The following S100B variants were observed in gnomAD, a reference collection of about 807,000 sequenced individuals.
S100B encodes S100 calcium binding protein B.
S100B carries 6 observed loss-of-function variants against 7.7 expected under a neutral mutation model. The observed-to-expected ratio is 0.78, with a 90% confidence interval of 0.43 to 1.54. S100B has a LOEUF of 1.54. S100B is among the 40% of genes most tolerant of loss of function. S100B has a pLI of 0.01. For synonymous variants in S100B, 36 were observed against 40.4 expected (o/e 0.89, Z 0.41); for missense variants, 99 against 111.8 (o/e 0.89, Z 0.52).
chr21:46,601,911 C>G (rs1459040089), intron 2 of S100B, among the ~76,000 whole-genome samples: 1 of 152,268 alleles, frequency 6.6e-6, no homozygotes, highest in Non-Finnish European at 1.5e-5. Flanking sequence ...TACTAAACTT[C>G]TAGCTAAAGC....
chr21:46,598,994 G>C lies in S100B; in HGVS notation c.*369C>G, dbSNP rs1356694037. On this transcript the variant is annotated 3_prime_UTR_variant, in exon 3 of 3. Transcript: ENST00000291700. ...TAAGGCTTTGTTTTTTAAAGGTAGT[G>C]GAAGTTTTAAGGGTGCCCCGGGGTA... 4.7e-6 allele frequency: 1 copy of C among 214,470 alleles called. No individual in the cohort carries two copies. The highest frequency in any genetic ancestry group is 2.3e-5 in the African/African-American group (1 of 43,040). 13.3% of individuals were successfully genotyped at this position (214,470 alleles called of 1,614,324 possible).
intron 2 of S100B, 137 bp from the exon 3 acceptor site, chr21:46,599,640 A>C: frequency 1.2e-6 from 1 of 822,132 alleles, no homozygotes; most frequent in Non-Finnish European, 2.1e-6. Context: ...ATATCAGAAA[A>C]GATGTCTCAT....
In S100B at chr21:46,602,028, C is replaced by T. The variant is rs146339780; in HGVS notation, c.138+250G>A. Among the ~76,000 whole-genome samples, 925 of 152,226 alleles carry T rather than the reference C, an allele frequency of 6.1e-3. 7 individuals carry two copies. The highest frequency in any genetic ancestry group is 0.024 in the Middle Eastern group (7 of 294). Reference sequence around the variant, plus strand: ...GTAATGAGTCTAGCATTATTTGGGACGCTTTGGCCTTTGGGACCTTGATGC... The same window carrying T: ...GTAATGAGTCTAGCATTATTTGGGATGCTTTGGCCTTTGGGACCTTGATGC... On this transcript the variant is annotated intron_variant, in intron 2 of 2. Transcript: ENST00000291700.
At chr21:46,603,447 CT>C (rs1288802329) in intron 1 of S100B, among the ~76,000 whole-genome samples, 1 of 144,036 alleles carries the variant, frequency 6.9e-6, no homozygotes, top group East Asian at 2.1e-4. Flanking sequence ...AAGAGCCCCC[CT>C]ACCTCCCTCA....
chr21:46,602,648 T>G (rs1036259541), intron 1 of S100B: 4 of 453,920 alleles, frequency 8.8e-6, no homozygotes, highest in Non-Finnish European at 1.6e-5. Context: ...TCTGTCCGTG[T>G]GGGCCACGGG....
Position 46,599,296 on chromosome 21 carries a change from A to G in S100B, c.*67T>C. 6.9e-7 allele frequency: 1 copy of G among 1,453,710 alleles called. No homozygotes were observed. Among genetic ancestry groups the G allele is most frequent in the Non-Finnish European group, 9.5e-7 (1 of 1,049,118 alleles). 90.1% of individuals were successfully genotyped at this position (1,453,710 alleles called of 1,614,324 possible). ...AAAGCTCAGCTCCTACTAGGCTGCA[A>G]GCCCTTGCTGTCTGCTTTCTTGCAT... On this transcript the variant is annotated 3_prime_UTR_variant, in exon 3 of 3. Coordinates refer to ENST00000291700, the MANE Select transcript of S100B (RefSeq NM_006272.3).
rs2061034991 is a variant in S100B, at chr21:46,599,331, T to C, written c.*32A>G. On this transcript the variant is annotated 3_prime_UTR_variant, in exon 3 of 3. Coordinates refer to ENST00000291700, the MANE Select transcript of S100B (RefSeq NM_006272.3). ...GTCTGCTTTCTTGCATGACCGTCTCTGTTACAGGAAAGGTTTGGCTGCTTT... is the reference window on the plus strand; with the variant it reads ...GTCTGCTTTCTTGCATGACCGTCTCCGTTACAGGAAAGGTTTGGCTGCTTT... 3.1e-6 allele frequency: 5 copies of C among 1,607,176 alleles called. No individual in the cohort carries two copies. The highest frequency in any genetic ancestry group is 4.3e-6 in the Non-Finnish European group (5 of 1,176,010).
chr21:46,603,398 T>TGGGGGGAGGGGGGGGCGGG, intron 1 of S100B, among the ~76,000 whole-genome samples: 1 of 52,070 alleles, frequency 1.9e-5, no homozygotes, highest in African/African-American at 7.1e-5. Flanking sequence ...CGGGAGGGGG[T>TGGGGGGAGGGGGGGGCGGG]GGGGGCAGGA....
intron 2 of S100B, among the ~76,000 whole-genome samples, chr21:46,601,494 G>A (rs1052236964): frequency 6.6e-6 from 1 of 152,202 alleles, no homozygotes; most frequent in Non-Finnish European, 1.5e-5. Context: ...GTAAAGACAG[G>A]TGGGTCTGAT....
intron 1 of S100B, chr21:46,603,017 A>C (rs2061045950): frequency 6.6e-6 from 1 of 152,174 alleles, no homozygotes; most frequent in Non-Finnish European, 1.5e-5. Context: ...TAGGAAGAAA[A>C]ACGTAGGTCC....
At chr21:46,602,528 A>C (rs1303092979) in intron 1 of S100B, 112 bp from the exon 2 acceptor site, 1 of 1,117,716 alleles carries the variant, frequency 8.9e-7, no homozygotes, top group Non-Finnish European at 1.3e-6. Context: ...TGGCCTTGGC[A>C]CTCTTTTCAA....
rs1293082914 is a variant in S100B at position 46,598,655 on chromosome 21, C to T, written c.*708G>A. Among the ~76,000 whole-genome samples the T allele has an allele frequency of 1.3e-5, 2 of 152,222 alleles. No individual in the cohort carries two copies. The highest frequency in any genetic ancestry group is 1.9e-4 in the East Asian group (1 of 5,182). On this transcript the variant is annotated 3_prime_UTR_variant, in exon 3 of 3. Coordinates refer to ENST00000291700, the MANE Select transcript of S100B (RefSeq NM_006272.3). The stretch of plus-strand genomic sequence containing the variant: ...CGCAGGCCCTCGCGGTGGCTCAGAG[C>T]CCCCGGTAGTGCCCTCGGAAGCCGC...
At chr21:46,599,586 C>G (rs2061036014) in intron 2 of S100B, 83 bp from the exon 3 acceptor site, 2 of 1,236,408 alleles carry the variant, frequency 1.6e-6, no homozygotes, top group Non-Finnish European at 2.4e-6. Context: ...TTGAGTGACT[C>G]TGATAATTTG....
chr21:46,604,818 T>G (rs1347981118), intron 1 of S100B, among the ~76,000 whole-genome samples, 195 bp downstream of exon 1: 4 of 152,214 alleles, frequency 2.6e-5, no homozygotes, highest in Non-Finnish European at 5.9e-5. Context: ...CTAGGGCTGA[T>G]GCAGTCAGGT....
intron 1 of S100B, among the ~76,000 whole-genome samples, chr21:46,603,398 T>TGGGGGGAGGGGGGGCGGGGGGGGGGGC: frequency 1.9e-5 from 1 of 52,070 alleles, no homozygotes; most frequent in Non-Finnish European, 3.8e-5. Context: ...CGGGAGGGGG[T>TGGGGGGAGGGGGGGCGGGGGGGGGGGC]GGGGGCAGGA....
In S100B at chr21:46,599,780, GAA is replaced by G. The variant is rs3061065; in HGVS notation, c.139-279_139-278del. ...GGTTGTTATCATACTTAAAATACCT[GAA>G]AAAAAAAAATACCATCTAGATCAGC... On this transcript the variant is annotated intron_variant, in intron 2 of 2. Coordinates refer to ENST00000291700, the MANE Select transcript of S100B (RefSeq NM_006272.3). Among the ~76,000 whole-genome samples the G allele has an allele frequency of 5.4e-5, 8 of 149,064 alleles. No individual in the cohort carries two copies. The East Asian group carries it at 5.9e-4, about 11-fold the overall frequency.
intron 2 of S100B, among the ~76,000 whole-genome samples, chr21:46,601,570 C>T (rs907628511): frequency 6.6e-6 from 1 of 152,160 alleles, no homozygotes; most frequent in African/African-American, 2.4e-5. Flanking sequence ...CATACTTCCA[C>T]CACAAGCCAC....
At position 46,599,187 on chromosome 21, in the gene S100B, C is replaced by T; in HGVS notation, c.*176G>A. 2 of 629,584 alleles carry T rather than the reference C, an allele frequency of 3.2e-6. No homozygotes were observed. Among genetic ancestry groups the T allele is most frequent in the Non-Finnish European group, 5.5e-6 (2 of 361,078 alleles). The allele number at this position is 629,584 out of a possible 1,614,324, so 39.0% of individuals were successfully genotyped here. A position where few individuals can be genotyped will look rare whatever the true frequency, so the allele number is the denominator to read the frequency against. On this transcript the variant is annotated 3_prime_UTR_variant, in exon 3 of 3. Coordinates refer to ENST00000291700, the MANE Select transcript of S100B (RefSeq NM_006272.3). ...ATATAGCAGAAAGAATGATGCAGGC[C>T]GTTAAAACAGCCTTTGGAAAGAGGT... is the stretch of plus-strand genomic sequence containing the variant.
chr21:46,599,718 A>G (rs192604563), intron 2 of S100B, among the ~76,000 whole-genome samples: 14 of 152,270 alleles, frequency 9.2e-5, no homozygotes, highest in Admixed American at 7.8e-4. Flanking sequence ...GCTACTGGAA[A>G]AGGCTGAATG....
Sources: allele counts gnomAD v4.1 joint callset (sites outside exome capture counted in the v4.1 genomes callset), GRCh38; gene constraint gnomAD v4.1.1; transcripts MANE v1.5; gene names NCBI Gene and HGNC (gene_info 2026-07-23, HGNC 2026-07-21).